The following ADGRB3 variants were observed in gnomAD, a reference collection of about 807,000 sequenced individuals.
The protein encoded by ADGRB3 is brain-specific angiogenesis inhibitor 3.
Under a neutral mutation model 193.4 loss-of-function variants are expected in ADGRB3, and 37 were observed. The observed-to-expected ratio is 0.19, with a 90% CI of 0.15 to 0.25. ADGRB3 has a LOEUF of 0.25. ADGRB3 is among the 10% of genes least tolerant of loss of function. ADGRB3 has a pLI of 1.00. For missense variants in ADGRB3, 1,637 were observed against 1,852.9 expected (o/e 0.88, Z 2.14); for synonymous variants, 690 against 644.2 (o/e 1.07, Z -1.08).
intron 13 of ADGRB3, among the ~76,000 whole-genome samples, chr6:69,030,711 A>G (rs979856717): frequency 6.6e-6 from 1 of 152,206 alleles, no homozygotes; most frequent in African/African-American, 2.4e-5. Flanking sequence ...GCACATGTAT[A>G]CCTATGTAAC....
intron 13 of ADGRB3, among the ~76,000 whole-genome samples, chr6:69,035,043 A>C (rs1340841799): frequency 6.6e-6 from 1 of 152,074 alleles, no homozygotes; most frequent in African/African-American, 2.4e-5. Flanking sequence ...TGATGTGTTA[A>C]TTTTATTAGT....
At position 69,228,426 on chromosome 6, in the gene ADGRB3, C is replaced by T. The variant is rs570021698; in HGVS notation, c.2481-4864C>T. Among the ~76,000 whole-genome samples, 56 of 152,174 alleles carry T rather than the reference C, an allele frequency of 3.7e-4. 1 individual carries two copies. The South Asian group carries it at 6.6e-3, about 18-fold the overall frequency. On this transcript the variant is annotated intron_variant, in intron 17 of 31. Transcript: ENST00000370598. ...TATAAATGAAAGAAAGCAAGGTGAA[C>T]GTATCAACTAATATTATGATGTTGA...
intron 6 of ADGRB3, 67 bp downstream of exon 6, chr6:68,944,061 A>G: frequency 1.4e-6 from 2 of 1,463,234 alleles, no homozygotes; most frequent in Non-Finnish European, 9.3e-7. Flanking sequence ...AGTGTACACA[A>G]GAAATATTAA....
chr6:69,160,650 A>G (rs1471635557), intron 17 of ADGRB3, among the ~76,000 whole-genome samples: 2 of 152,078 alleles, frequency 1.3e-5, no homozygotes, highest in Non-Finnish European at 2.9e-5. Context: ...TTCCCCAGCT[A>G]GAATGTAAGC....
chr6:69,342,770 A>G (rs1016065378), intron 26 of ADGRB3, among the ~76,000 whole-genome samples: 2 of 152,188 alleles, frequency 1.3e-5, no homozygotes, highest in African/African-American at 4.8e-5. Context: ...TTGATAATTT[A>G]TAATTGGATC....
At chr6:68,820,362 A>G (rs1479323975) in intron 3 of ADGRB3, among the ~76,000 whole-genome samples, 2 of 151,864 alleles carry the variant, frequency 1.3e-5, no homozygotes, top group South Asian at 2.1e-4. Flanking sequence ...TTAAGAGTAT[A>G]TAGTAGACAT....
intron 3 of ADGRB3, among the ~76,000 whole-genome samples, chr6:68,675,268 G>T (rs2127295641): frequency 6.6e-6 from 1 of 152,190 alleles, no homozygotes; most frequent in South Asian, 2.1e-4. Flanking sequence ...ACAGAGAAGA[G>T]AAAACAAAGG....
chr6:69,156,947 T>A (rs894064529), intron 17 of ADGRB3, among the ~76,000 whole-genome samples: 1 of 152,196 alleles, frequency 6.6e-6, no homozygotes, highest in African/African-American at 2.4e-5. Context: ...CCAGTATAAT[T>A]AGCCTTCCAG....
At chr6:69,355,724 A>G in intron 27 of ADGRB3, 97 bp from the exon 28 acceptor site, 1 of 983,836 alleles carries the variant, frequency 1.0e-6, no homozygotes, top group Non-Finnish European at 1.6e-6. Flanking sequence ...TGTACTGCCA[A>G]GTTAGATATC....
chr6:69,294,537 G>T (rs901515616), intron 20 of ADGRB3, among the ~76,000 whole-genome samples: 3 of 151,970 alleles, frequency 2.0e-5, no homozygotes, highest in Admixed American at 6.6e-5. Flanking sequence ...GCAGCCTTTG[G>T]GTTCTCTACA....
intron 17 of ADGRB3, among the ~76,000 whole-genome samples, chr6:69,100,885 G>T (rs369897377): frequency 4.1e-5 from 4 of 96,512 alleles, no homozygotes; most frequent in Non-Finnish European, 9.0e-5. Context: ...AGGAAGGGAG[G>T]GAAGGAAGGA....
intron 8 of ADGRB3, among the ~76,000 whole-genome samples, chr6:68,962,181 T>C (rs1768253484): frequency 1.3e-5 from 2 of 152,180 alleles, no homozygotes; most frequent in African/African-American, 4.8e-5. Context: ...GAATTAGAAC[T>C]TGAAGATATC....
At chr6:68,637,646 G>A (rs1451845577) in intron 2 of ADGRB3, 84 bp downstream of exon 2, 2 of 152,542 alleles carry the variant, frequency 1.3e-5, no homozygotes, top group Non-Finnish European at 2.9e-5. Flanking sequence ...GAGCTTTGGA[G>A]TTGTTGTTGG....
At chr6:69,324,524 T>A (rs1334358843) in intron 20 of ADGRB3, among the ~76,000 whole-genome samples, 1 of 152,150 alleles carries the variant, frequency 6.6e-6, no homozygotes, top group African/African-American at 2.4e-5. Context: ...ATGCAAGATG[T>A]CTGTAACAAA....
Position 68,956,671 on chromosome 6 carries a change from C to A in ADGRB3, c.1387C>A (p.His463Asn). 11 of 1,613,792 alleles carry A rather than the reference C, an allele frequency of 6.8e-6. No homozygotes were observed. The highest frequency in any genetic ancestry group is 1.1e-5 in the South Asian group (1 of 91,042). The change falls in exon 8 of 32, where the codon CAT becomes AAT. Residue 463 changes from histidine (H) to asparagine (N), a missense_variant. His to Asn is a moderately conservative substitution (Grantham distance 68, BLOSUM62 1). This residue lies in a region of ADGRB3 where 641 missense variants were observed against 673.9 expected (regional missense o/e 0.95). Transcript: ENST00000370598. ...CAATGGTCAATGGAATCAGTGGGGT[C>A]ATTGGAGTGGTTGTTCCAAGTCCTG... ...TANGQWNQWG[H>N]WSGCSKSCDG...
intron 16 of ADGRB3, among the ~76,000 whole-genome samples, chr6:69,072,219 T>C (rs1297374859): frequency 6.6e-6 from 1 of 152,186 alleles, no homozygotes; most frequent in Admixed American, 6.5e-5. Flanking sequence ...CTAGAATAAA[T>C]GTTTATTGTA....
chr6:68,756,914 G>A (rs1463552737), intron 3 of ADGRB3, among the ~76,000 whole-genome samples: 1 of 152,130 alleles, frequency 6.6e-6, no homozygotes, highest in Non-Finnish European at 1.5e-5. Context: ...ACATTCAGCA[G>A]AGTTGGCAGT....
intron 6 of ADGRB3, among the ~76,000 whole-genome samples, chr6:68,948,278 C>G (rs542835777): frequency 6.6e-6 from 1 of 152,092 alleles, no homozygotes; most frequent in African/African-American, 2.4e-5. Flanking sequence ...CTAGAGATAA[C>G]AGTTTTTCTG....
At chr6:69,362,148 A>G (rs182695168) in intron 29 of ADGRB3, among the ~76,000 whole-genome samples, 1 of 151,914 alleles carries the variant, frequency 6.6e-6, no homozygotes. Flanking sequence ...GAGCATACTA[A>G]CAGGATTCTG....
Sources: allele counts gnomAD v4.1 joint callset (sites outside exome capture counted in the v4.1 genomes callset), GRCh38; gene constraint gnomAD v4.1.1; regional missense constraint gnomAD v4.1.1; transcripts MANE v1.5; gene names NCBI Gene and HGNC (gene_info 2026-07-23, HGNC 2026-07-21).